GTF3C5: variants seen among roughly 807,000 people sequenced by gnomAD.
The protein encoded by GTF3C5 is general transcription factor 3C polypeptide 5.
GTF3C5 carries 47 observed loss-of-function variants against 61.0 expected under a neutral mutation model. The observed-to-expected ratio is 0.77, with a 90% confidence interval of 0.61 to 0.98. The LOEUF is 0.98. Ranked by LOEUF, GTF3C5 falls within the 50% of genes least tolerant of loss-of-function variation. The probability of loss-of-function intolerance (pLI) is 0.00; values close to 1 mark genes in which losing one functional copy is unlikely to be tolerated. For missense variants in GTF3C5, 659 were observed against 703.3 expected (o/e 0.94, Z 0.71); for synonymous variants, 295 against 275.4 (o/e 1.07, Z -0.71).
rs746866359 is a variant in GTF3C5, at chr9:133,056,784, C to T, written c.1269C>T (p.His423=). 2 of 1,607,718 alleles carry T rather than the reference C, an allele frequency of 1.2e-6. No individual in the cohort carries two copies. Among genetic ancestry groups the T allele is most frequent in the South Asian group, 1.1e-5 (1 of 90,142 alleles). ...CCCCCAGGTTGCAGAAGATCATTCA[C>T]CGCAATGACGGGGCAGAGAATTCCT... The part of the protein sequence containing the change: ...LNVEELQKII[H]RNDGAENSCT... The change falls in exon 10 of 11, where the codon CAC becomes CAT. Residue 423 remains histidine, a synonymous_variant. Coordinates refer to ENST00000372097, the MANE Select transcript of GTF3C5 (RefSeq NM_012087.4).
rs775308894 is a variant in GTF3C5, at chr9:133,043,878, G to A, written c.524G>A (p.Arg175Gln). 17 of 1,614,010 alleles carry A rather than the reference G, an allele frequency of 1.1e-5. No homozygotes were observed. Among genetic ancestry groups the A allele is most frequent in the Admixed American group, 3.3e-5 (2 of 60,010 alleles). The change falls in exon 3 of 11, where the codon CGG becomes CAG. Residue 175 changes from arginine to glutamine, a missense_variant. By Grantham distance (43) the Arg-to-Gln change is conservative (BLOSUM62 1). Coordinates refer to ENST00000372097, the MANE Select transcript of GTF3C5 (RefSeq NM_012087.4). ...PLYIPPPIFS[R>Q]LDAPVDYFYR... is the part of the protein sequence containing the mutation. ...TACATCCCCCCACCCATCTTCTCCCGGCTGGACGCCCCGGTGGACTACTTC... is the reference window on the plus strand; with the variant it reads ...TACATCCCCCCACCCATCTTCTCCCAGCTGGACGCCCCGGTGGACTACTTC...
chr9:133,053,909 C>G lies in GTF3C5; in HGVS notation c.955C>G (p.Leu319Val). 1.2e-6 allele frequency: 2 copies of G among 1,612,764 alleles called. No individual in the cohort carries two copies. The highest frequency in any genetic ancestry group is 1.7e-6 in the Non-Finnish European group (2 of 1,178,844). The change falls in exon 6 of 11, where the codon CTC (leucine) becomes GTC (valine). Residue 319 changes from leucine to valine, a missense_variant. Coordinates refer to ENST00000372097, the MANE Select transcript of GTF3C5 (RefSeq NM_012087.4). ...KNPDAKIYQV[L>V]DFRIRCGMKH... ...CCCAGATGCCAAGATTTATCAAGTC[C>G]TCGATTTCCGAATCCGTTGTGGAAT...
chr9:133,052,350 C>T (rs1588477203), intron 5 of GTF3C5, among the ~76,000 whole-genome samples, 186 bp downstream of exon 5: 1 of 149,302 alleles, frequency 6.7e-6, no homozygotes, highest in African/African-American at 2.5e-5. Flanking sequence ...ATCCTTCCTG[C>T]CCTGCCCCCA....
chr9:133,054,740 G>A lies in GTF3C5; in HGVS notation c.1098G>A (p.Leu366=). The part of the protein sequence containing the change: ...TSSQLVTMHD[L]KQGLGPSGTS... ...GCCAGCTTGTCACCATGCATGACCT[G>A]AAGCAGGGCCTGGGCCCGTCGGGGA... The change falls in exon 8 of 11, where the codon CTG becomes CTA. Residue 366 remains leucine (L), a synonymous_variant. Coordinates refer to ENST00000372097, the MANE Select transcript of GTF3C5 (RefSeq NM_012087.4). 1.3e-6 allele frequency: 2 copies of A among 1,582,118 alleles called. No homozygotes were observed. Among genetic ancestry groups the A allele is most frequent in the East Asian group, 2.3e-5 (1 of 43,626 alleles).
intron 1 of GTF3C5, among the ~76,000 whole-genome samples, chr9:133,033,388 G>A (rs972286039): frequency 9.9e-5 from 15 of 152,080 alleles, no homozygotes; most frequent in Non-Finnish European, 1.8e-4. Flanking sequence ...ATCCAGTTAC[G>A]GTCCACCACA....
chr9:133,031,934 A>G (rs1242363587), intron 1 of GTF3C5, among the ~76,000 whole-genome samples: 1 of 152,188 alleles, frequency 6.6e-6, no homozygotes, highest in Non-Finnish European at 1.5e-5. Flanking sequence ...GGGGTTGTTT[A>G]CTGAAACTAG....
At chr9:133,055,631 G>C (rs1386424890) in intron 8 of GTF3C5, 4 of 985,324 alleles carry the variant, frequency 4.1e-6, no homozygotes, top group Non-Finnish European at 4.8e-6. Context: ...CAGCCCATAG[G>C]GGGACATAGG....
At chr9:133,054,016 A>T (rs1247301411) in intron 6 of GTF3C5, 74 bp downstream of exon 6, 1 of 957,858 alleles carries the variant, frequency 1.0e-6, no homozygotes, top group Non-Finnish European at 1.6e-6. Flanking sequence ...TCTCTTTTGT[A>T]GTAAGAATCT....
intron 2 of GTF3C5, among the ~76,000 whole-genome samples, chr9:133,043,094 G>T (rs630288): frequency 0.26 from 39,897 of 152,112 alleles, 6,349 homozygotes; most frequent in Non-Finnish European, 0.34. Context: ...GGGCAAAGAG[G>T]ACTAGAAAGA....
At chr9:133,052,225 C>T (rs995778937) in intron 5 of GTF3C5, 61 bp downstream of exon 5, 218 of 888,954 alleles carry the variant, frequency 2.5e-4, no homozygotes, top group Non-Finnish European at 3.5e-4. Context: ...CTGGTCCCTG[C>T]TGTGATGTCT....
At chr9:133,033,902 C>A (rs1027980160) in intron 1 of GTF3C5, among the ~76,000 whole-genome samples, 2 of 152,236 alleles carry the variant, frequency 1.3e-5, no homozygotes, top group East Asian at 3.9e-4. Context: ...GTTGTGGAGA[C>A]CGGAGGGGAA....
rs1469459265 is a variant in GTF3C5, at chr9:133,058,087, G to A, written c.*107G>A. ...CACAGTGCCCGGAATGGCCCTAGGA[G>A]GCCCTCTGAGGAGAGCTAGAGTCCC... On this transcript the variant is annotated 3_prime_UTR_variant, in exon 11 of 11. Coordinates refer to ENST00000372097, the MANE Select transcript of GTF3C5 (RefSeq NM_012087.4). The A allele has an allele frequency of 6.5e-7, 1 of 1,545,664 alleles. No homozygotes were observed. The highest frequency in any genetic ancestry group is 2.3e-5 in the East Asian group (1 of 44,158).
At chr9:133,041,817 G>A (rs1190696704) in intron 1 of GTF3C5, among the ~76,000 whole-genome samples, 3 of 152,204 alleles carry the variant, frequency 2.0e-5, no homozygotes, top group Admixed American at 2.0e-4. Context: ...TTGCCAGAAG[G>A]ACCAACTAAT....
At chr9:133,055,885 C>T in intron 8 of GTF3C5, 127 bp from the exon 9 acceptor site, 2 of 1,471,048 alleles carry the variant, frequency 1.4e-6, no homozygotes, top group South Asian at 1.4e-5. Flanking sequence ...GCCTGTCTGC[C>T]CAACCTGCTC....
Position 133,043,670 on chromosome 9 carries a change from T to G in GTF3C5, c.374-58T>G, listed in dbSNP as rs1850104300. On this transcript the variant is annotated intron_variant, in intron 2 of 10. Transcript: ENST00000372097. ...CCCTAAGCAGATGTGGGTGTCGGTG[T>G]GTGGCAGCTGCCCATTCCTGGACTC... 5.9e-6 allele frequency: 8 copies of G among 1,361,818 alleles called. No homozygotes were observed. In the East Asian group the frequency reaches 1.8e-4, roughly 31 times the overall value. 84.4% of individuals were successfully genotyped at this position (1,361,818 alleles called of 1,614,324 possible). A position where few individuals can be genotyped will look rare whatever the true frequency, so the allele number is the denominator to read the frequency against.
chr9:133,055,192 T>C, intron 8 of GTF3C5: 3 of 1,532,208 alleles, frequency 2.0e-6, no homozygotes, highest in Non-Finnish European at 2.6e-6. Context: ...GCTGCAGCTG[T>C]GGCAGGAGCC....
intron 1 of GTF3C5, among the ~76,000 whole-genome samples, chr9:133,041,291 A>G (rs1366336213): frequency 6.6e-6 from 1 of 152,198 alleles, no homozygotes; most frequent in Non-Finnish European, 1.5e-5. Flanking sequence ...ACCTGCCCGC[A>G]GTTATCCGGG....
At chr9:133,044,146 CAAAAAAAAAAA>C (rs34524914) in intron 3 of GTF3C5, 50 of 108,536 alleles carry the variant, frequency 4.6e-4, no homozygotes, top group Non-Finnish European at 4.7e-4. Context: ...CTTTGTCTCC[CAAAAAAAAAAA>C]AAAAAAAAAA....
At chr9:133,057,725 TA>T in intron 10 of GTF3C5, 88 bp from the exon 11 acceptor site, 1 of 1,286,322 alleles carries the variant, frequency 7.8e-7, no homozygotes, top group Non-Finnish European at 1.1e-6. Flanking sequence ...CTTATAGTAG[TA>T]AACAGGCTCC....
Sources: allele counts gnomAD v4.1 joint callset (sites outside exome capture counted in the v4.1 genomes callset), GRCh38; gene constraint gnomAD v4.1.1; transcripts MANE v1.5; gene names NCBI Gene and HGNC (gene_info 2026-07-23, HGNC 2026-07-21).